Variants in XKR6 observed in about 807,000 individuals in gnomAD.
The protein encoded by XKR6 is XK related 6.
XKR6 carries 22 observed loss-of-function variants against 56.7 expected under a neutral mutation model. The ratio of observed to expected loss-of-function variants is 0.39; its 90% CI spans 0.28 to 0.55. The LOEUF (loss-of-function observed/expected upper bound fraction) is 0.55, where lower values mean the gene tolerates loss of function less well. XKR6 is among the 20% of genes least tolerant of loss of function. The pLI, the probability that XKR6 is intolerant of heterozygous loss-of-function variation, is 0.66. For missense variants in XKR6, 852 were observed against 889.0 expected, an observed-to-expected ratio of 0.96 and a Z score of 0.53; for synonymous variants, 524 against 387.8, an observed-to-expected ratio of 1.35 and a Z score of -4.13.
rs534438878 is a variant in XKR6 at position 11,109,912 on chromosome 8, T to C, written c.764+90664A>G. On this transcript the variant is annotated intron_variant, in intron 1 of 2. Transcript: ENST00000416569. ...AATAAGAAAATGACTAAACAGCCAA[T>C]AGAGGTTCAGATTAAAATTTAACGT... 2.0e-5 allele frequency among the ~76,000 whole-genome samples: 3 copies of C among 152,302 alleles called. No homozygotes were observed. The South Asian group carries it at 6.2e-4, about 32-fold the overall frequency.
intron 2 of XKR6, among the ~76,000 whole-genome samples, chr8:10,904,991 C>A (rs1429703492): frequency 6.6e-6 from 1 of 152,214 alleles, no homozygotes; most frequent in African/African-American, 2.4e-5. Flanking sequence ...TGAGGCAGGA[C>A]AGAAGTGGAA....
intron 1 of XKR6, among the ~76,000 whole-genome samples, chr8:11,088,811 C>A (rs897423730): frequency 6.6e-6 from 1 of 152,194 alleles, no homozygotes; most frequent in Non-Finnish European, 1.5e-5. Context: ...CCCTACAGTG[C>A]CTAGCCTAGC....
At chr8:11,036,858 G>T (rs957601176) in intron 1 of XKR6, among the ~76,000 whole-genome samples, 2 of 152,200 alleles carry the variant, frequency 1.3e-5, no homozygotes, top group African/African-American at 4.8e-5. Flanking sequence ...AGGTGGCTGC[G>T]TGTGTTATTC....
chr8:11,026,918 AGTCTAGCCTACTACACACCTAGATG>A (rs1798882147), intron 1 of XKR6, among the ~76,000 whole-genome samples: 1 of 138,730 alleles, frequency 7.2e-6, no homozygotes, highest in Admixed American at 7.1e-5. Context: ...ACACCTAGAT[AGTCTAGCCTACTACACACCTAGATG>A]GTCTAGCCTA....
chr8:10,902,825 G>A (rs1474557962), intron 2 of XKR6, among the ~76,000 whole-genome samples: 2 of 152,226 alleles, frequency 1.3e-5, no homozygotes, highest in Non-Finnish European at 2.9e-5. Context: ...CCAGCAACAG[G>A]GGCGAGAATG....
At position 11,038,497 on chromosome 8, in the gene XKR6, T is replaced by TG. The variant is rs1799201798; in HGVS notation, c.765-113668_765-113667insC. Among the ~76,000 whole-genome samples, 4 of 130,124 alleles carry TG rather than the reference T, an allele frequency of 3.1e-5. No homozygotes were observed. In the East Asian group the frequency reaches 7.3e-4, roughly 24 times the overall value. The allele number at this position is 130,124 out of a possible 152,430, so 85.4% of individuals were successfully genotyped here. ...ACTCAGATAAGTAATTGTAGTCATT[T>TG]TGTGTGTGTGTGTGTGTGTGTGTGT... On this transcript the variant is annotated intron_variant, in intron 1 of 2. Transcript: ENST00000416569.
At chr8:11,035,262 C>T (rs751516646) in intron 1 of XKR6, 1 of 534,686 alleles carries the variant, frequency 1.9e-6, no homozygotes, top group African/African-American at 1.9e-5. Flanking sequence ...TTCCAGCTCA[C>T]ACCATCGGGA....
intron 1 of XKR6, among the ~76,000 whole-genome samples, chr8:11,021,718 CAG>C (rs1417241412): frequency 6.6e-6 from 1 of 152,134 alleles, no homozygotes; most frequent in African/African-American, 2.4e-5. Context: ...TTCATCCATT[CAG>C]AGTCTCAAAT....
At chr8:10,986,944 T>A (rs1447024384) in intron 1 of XKR6, among the ~76,000 whole-genome samples, 1 of 151,954 alleles carries the variant, frequency 6.6e-6, no homozygotes, top group Non-Finnish European at 1.5e-5. Flanking sequence ...CCAATTTTTT[T>A]TTTTTAACAT....
At chr8:11,176,230 C>T (rs1802646491) in intron 1 of XKR6, among the ~76,000 whole-genome samples, 1 of 152,168 alleles carries the variant, frequency 6.6e-6, no homozygotes, top group African/African-American at 2.4e-5. Flanking sequence ...CTCGAATTGG[C>T]CAACATATGC....
At chr8:10,984,732 C>CTCTCTCTATATATATA in intron 1 of XKR6, among the ~76,000 whole-genome samples, 23 of 47,486 alleles carry the variant, frequency 4.8e-4, no homozygotes, top group African/African-American at 1.2e-3. Flanking sequence ...CTCTCTCTCT[C>CTCTCTCTATATATATA]TATATATATA....
Position 11,055,312 on chromosome 8 carries a change from G to T in XKR6, c.765-130482C>A, listed in dbSNP as rs7841843. Among the ~76,000 whole-genome samples, 14 of 152,162 alleles carry T rather than the reference G, an allele frequency of 9.2e-5. No individual in the cohort carries two copies. The East Asian group carries it at 9.7e-4, about 11-fold the overall frequency. On this transcript the variant is annotated intron_variant, in intron 1 of 2. Coordinates refer to ENST00000416569, the MANE Select transcript of XKR6 (RefSeq NM_173683.4). ...GCCAAGGCAATAAGATCCCTAGGGT[G>T]GGGGAGGAGGCATCTGATCAGATAT...
At chr8:11,198,560 T>C (rs763155892) in intron 1 of XKR6, among the ~76,000 whole-genome samples, 10 of 151,942 alleles carry the variant, frequency 6.6e-5, no homozygotes, top group African/African-American at 9.7e-5. Context: ...AAAAGCTAAA[T>C]TGACATTTTA....
At chr8:11,114,149 T>G in intron 1 of XKR6, 1 of 405,160 alleles carries the variant, frequency 2.5e-6, no homozygotes, top group Non-Finnish European at 4.7e-6. Flanking sequence ...ATCTCTAACA[T>G]GACACTAAAA....
intron 1 of XKR6, among the ~76,000 whole-genome samples, chr8:11,025,517 G>C (rs1221219470): frequency 6.6e-6 from 1 of 152,184 alleles, no homozygotes; most frequent in Admixed American, 6.5e-5. Flanking sequence ...GAAGCTTAGA[G>C]TGGGGGCGGC....
At chr8:10,926,164 C>G (rs1338752314) in intron 1 of XKR6, among the ~76,000 whole-genome samples, 1 of 152,180 alleles carries the variant, frequency 6.6e-6, no homozygotes, top group Non-Finnish European at 1.5e-5. Flanking sequence ...TCAGGTATTA[C>G]CAAGAACACA....
At chr8:10,902,935 G>A (rs1800080099) in intron 2 of XKR6, among the ~76,000 whole-genome samples, 1 of 152,190 alleles carries the variant, frequency 6.6e-6, no homozygotes, top group East Asian at 1.9e-4. Flanking sequence ...TCTATCCAAG[G>A]CTCTGGGCAC....
intron 1 of XKR6, among the ~76,000 whole-genome samples, chr8:11,156,974 G>C (rs1229939743): frequency 6.6e-6 from 1 of 152,182 alleles, no homozygotes; most frequent in Non-Finnish European, 1.5e-5. Flanking sequence ...TTAACCAAGT[G>C]ACGGAGATGA....
At chr8:11,052,267 A>C (rs1409489221) in intron 1 of XKR6, among the ~76,000 whole-genome samples, 1 of 152,162 alleles carries the variant, frequency 6.6e-6, no homozygotes, top group East Asian at 1.9e-4. Context: ...ATAGCAGCTC[A>C]GAGGGGCCTC....
Sources: allele counts gnomAD v4.1 joint callset (sites outside exome capture counted in the v4.1 genomes callset), GRCh38; gene constraint gnomAD v4.1.1; transcripts MANE v1.5; gene names NCBI Gene and HGNC (gene_info 2026-07-23, HGNC 2026-07-21).